The following NECTIN3 variants were observed in gnomAD, a reference collection of about 807,000 sequenced individuals.
NECTIN3 encodes nectin cell adhesion molecule 3.
In NECTIN3, 8 loss-of-function variants were observed where a neutral mutation model predicts 49.4. The ratio of observed to expected loss-of-function variants is 0.16; its 90% CI spans 0.10 to 0.29. The LOEUF (loss-of-function observed/expected upper bound fraction) is 0.29, where lower values mean the gene tolerates loss of function less well. NECTIN3 is among the 10% of genes least tolerant of loss of function. The pLI is 1.00. For missense variants in NECTIN3, 581 were observed against 654.6 expected (o/e 0.89, Z 1.23); for synonymous variants, 277 against 241.1 (o/e 1.15, Z -1.38).
intron 5 of NECTIN3, among the ~76,000 whole-genome samples, chr3:111,132,964 A>T (rs951284500): frequency 6.6e-6 from 1 of 151,712 alleles, no homozygotes; most frequent in Non-Finnish European, 1.5e-5. Context: ...ATGCTTTTTT[A>T]TTTTTTTAAA....
chr3:111,114,839 A>G (rs566798658), intron 2 of NECTIN3, among the ~76,000 whole-genome samples: 50 of 151,970 alleles, frequency 3.3e-4, no homozygotes, highest in Non-Finnish European at 6.6e-4. Context: ...AGAATAGAGT[A>G]TTTGTAGGAT....
At chr3:111,128,525 CAT>C (rs1477168472) in intron 5 of NECTIN3, among the ~76,000 whole-genome samples, 2 of 152,064 alleles carry the variant, frequency 1.3e-5, no homozygotes, top group Admixed American at 1.3e-4. Flanking sequence ...TACAACTTAA[CAT>C]ATTCAAAACC....
intron 7 of NECTIN3, among the ~76,000 whole-genome samples, chr3:111,154,333 G>A (rs926825099): frequency 2.0e-5 from 3 of 152,238 alleles, no homozygotes; most frequent in East Asian, 1.9e-4. Flanking sequence ...ATTCATTCAT[G>A]TTGTGTTGAT....
chr3:111,158,446 A>G (rs1460720361), intron 7 of NECTIN3, among the ~76,000 whole-genome samples: 1 of 152,072 alleles, frequency 6.6e-6, no homozygotes, highest in Non-Finnish European at 1.5e-5. Context: ...TGGCATGTAA[A>G]TGTATTTGTT....
At chr3:111,110,235 A>G (rs943056778) in intron 1 of NECTIN3, among the ~76,000 whole-genome samples, 1 of 151,854 alleles carries the variant, frequency 6.6e-6, no homozygotes, top group Non-Finnish European at 1.5e-5. Context: ...GAACAATGAT[A>G]GTGCACCATC....
rs1026796749 is a variant in NECTIN3 at position 111,071,890 on chromosome 3, A to G, written c.-128A>G. On this transcript the variant is annotated 5_prime_UTR_variant, in exon 1 of 6. Coordinates refer to ENST00000485303, the MANE Select transcript of NECTIN3 (RefSeq NM_015480.3). ...TTCGGCCAAGTGTCAGCCGGCAGCGACGGCGCTAGAGCTGGGAGCTGGGGA... is the reference window on the plus strand; with the variant it reads ...TTCGGCCAAGTGTCAGCCGGCAGCGGCGGCGCTAGAGCTGGGAGCTGGGGA... 2.6e-5 allele frequency: 14 copies of G among 539,454 alleles called. No individual in the cohort carries two copies. Among genetic ancestry groups the G allele is most frequent in the Admixed American group, 4.5e-5 (1 of 22,116 alleles). The allele number at this position is 539,454 out of a possible 1,614,324, so 33.4% of individuals were successfully genotyped here. A position where few individuals can be genotyped will look rare whatever the true frequency, so the allele number is the denominator to read the frequency against.
rs368350981 is a variant in NECTIN3, at chr3:111,165,078, G to T, written c.1221+17594G>T. ...TATTTATTTTTTGAGACAGAGTCTC[G>T]CTCTGTCGCCCAGGCTGGAGTGCCA... On this transcript the variant is annotated intron_variant, in intron 7 of 8. Transcript: ENST00000493615. 1.8e-3 allele frequency among the ~76,000 whole-genome samples: 275 copies of T among 151,418 alleles called. 4 individuals carry two copies. In the South Asian group the frequency reaches 0.019, roughly 11 times the overall value.
chr3:111,131,475 T>C (rs1487356612), intron 5 of NECTIN3, among the ~76,000 whole-genome samples: 4 of 151,974 alleles, frequency 2.6e-5, no homozygotes, highest in Non-Finnish European at 5.9e-5. Context: ...TTGCTTAAAA[T>C]GCAAAATAAT....
rs2031444874 is a variant in NECTIN3, at chr3:111,079,343, A to ATC, written c.160+7168_160+7169dup. ...TCAAGCTTGTTTTTCATGTAAAAGG[A>ATC]TCTGGGCATTGATATATTTTCATTA... On this transcript the variant is annotated intron_variant, in intron 1 of 5. Coordinates refer to ENST00000485303, the MANE Select transcript of NECTIN3 (RefSeq NM_015480.3). Among the ~76,000 whole-genome samples, 3 of 152,026 alleles carry ATC rather than the reference A, an allele frequency of 2.0e-5. No individual in the cohort carries two copies. In the South Asian group the frequency reaches 6.2e-4, roughly 32 times the overall value.
At chr3:111,175,317 C>A in intron 7 of NECTIN3, among the ~76,000 whole-genome samples, 1 of 151,702 alleles carries the variant, frequency 6.6e-6, no homozygotes, top group South Asian at 2.1e-4. Context: ...ATGTTGTCCC[C>A]ATTTAGGGCC....
chr3:111,075,218 G>T (rs760619267), intron 1 of NECTIN3: 1 of 151,932 alleles, frequency 6.6e-6, no homozygotes, highest in Non-Finnish European at 1.5e-5. Flanking sequence ...TGATTTGCCC[G>T]GAAATGGGAC....
chr3:111,077,233 C>T (rs1239291788), intron 1 of NECTIN3: 2 of 438,294 alleles, frequency 4.6e-6, no homozygotes, highest in African/African-American at 4.1e-5. Context: ...GACTGCCCAC[C>T]ATTCATTCTG....
At chr3:111,180,718 T>C (rs1308308922) in intron 7 of NECTIN3, among the ~76,000 whole-genome samples, 1 of 152,308 alleles carries the variant, frequency 6.6e-6, no homozygotes, top group Admixed American at 6.5e-5. Context: ...ATCATCTCTC[T>C]AGATTAGGAA....
At chr3:111,072,665 C>G in intron 1 of NECTIN3, 1 of 1,297,830 alleles carries the variant, frequency 7.7e-7, no homozygotes, top group Middle Eastern at 1.9e-4. Flanking sequence ...CCATTTTAGC[C>G]CACCCAGCCG....
chr3:111,176,600 T>A (rs2035532970), intron 7 of NECTIN3, among the ~76,000 whole-genome samples: 1 of 152,210 alleles, frequency 6.6e-6, no homozygotes, highest in African/African-American at 2.4e-5. Flanking sequence ...TCTCTTTGTA[T>A]TTTACCTTCT....
upstream of NECTIN3, chr3:111,192,312 T>C: frequency 1.3e-6 from 2 of 1,496,778 alleles, no homozygotes; most frequent in Non-Finnish European, 1.8e-6. Context: ...TGTTTTGCCA[T>C]GTGTTTTACA....
intron 7 of NECTIN3, among the ~76,000 whole-genome samples, chr3:111,156,095 A>T (rs181358559): frequency 6.6e-6 from 1 of 152,146 alleles, no homozygotes; most frequent in African/African-American, 2.4e-5. Flanking sequence ...TCATGGTGTT[A>T]TATTAACTCC....
chr3:111,106,000 T>TC (rs571365559), intron 1 of NECTIN3, among the ~76,000 whole-genome samples: 11 of 148,696 alleles, frequency 7.4e-5, no homozygotes, highest in South Asian at 4.2e-4. Context: ...TTTTTTTTTT[T>TC]CCCACTTCTT....
chr3:111,119,667 T>C (rs1346733309), intron 3 of NECTIN3, among the ~76,000 whole-genome samples: 1 of 152,208 alleles, frequency 6.6e-6, no homozygotes, highest in East Asian at 1.9e-4. Context: ...TATTAATTAG[T>C]TTGAAAAGTT....
Sources: gnomAD v4.1 joint callset for allele counts (sites outside exome capture counted in the v4.1 genomes callset) on GRCh38, gnomAD v4.1.1 for gene constraint, MANE v1.5 for transcripts, NCBI Gene and HGNC (gene_info 2026-07-23, HGNC 2026-07-21) for gene names.